The following RBM33 variants were observed in gnomAD, a reference collection of about 807,000 sequenced individuals.
RBM33 encodes RNA-binding protein 33.
In RBM33, 28 loss-of-function variants were observed where a neutral mutation model predicts 132.6. That is an observed-to-expected ratio of 0.21 (90% CI 0.16 to 0.29). The LOEUF (loss-of-function observed/expected upper bound fraction) is 0.29, where lower values mean the gene tolerates loss of function less well. RBM33 is among the 10% of genes least tolerant of loss of function. RBM33 has a pLI of 1.00. For synonymous variants in RBM33, 634 were observed against 593.0 expected, an observed-to-expected ratio of 1.07 and a Z score of -1.01; for missense variants, 1,291 against 1,518.5, an observed-to-expected ratio of 0.85 and a Z score of 2.49.
chr7:155,749,590 C>G (rs575100466), intron 14 of RBM33, among the ~76,000 whole-genome samples: 7 of 152,152 alleles, frequency 4.6e-5, no homozygotes, highest in African/African-American at 1.7e-4. Flanking sequence ...ATGGGGGCTC[C>G]TAGGATAATG....
intron 15 of RBM33, 109 bp from the exon 16 acceptor site, chr7:155,766,358 C>T: frequency 1.6e-6 from 2 of 1,214,852 alleles, no homozygotes; most frequent in African/African-American, 1.5e-5. Flanking sequence ...TCCTGTAGCT[C>T]ATGGTATATT....
chr7:155,738,165 C>A lies in RBM33; in HGVS notation c.1499C>A (p.Thr500Asn). ...CTTAACAGTAGCCATCCTGTTCCTA[C>A]TCAGAGTCCTCTACCATTCACTCAG... Reference protein sequence around the residue: ...TLLNSSHPVPTQSPLPFTQPG... With the variant: ...TLLNSSHPVPNQSPLPFTQPG... Residue 500 changes from threonine to asparagine, a missense_variant, in exon 11 of 18, where the codon ACT (threonine) becomes AAT (asparagine). Transcript: ENST00000401878. 1 of 1,614,028 alleles carries A rather than the reference C, an allele frequency of 6.2e-7. No homozygotes were observed. Among genetic ancestry groups the A allele is most frequent in the Non-Finnish European group, 8.5e-7 (1 of 1,179,888 alleles).
chr7:155,716,679 T>C (rs540455337), intron 8 of RBM33, among the ~76,000 whole-genome samples: 68 of 152,162 alleles, frequency 4.5e-4, no homozygotes, highest in Non-Finnish European at 8.5e-4. Context: ...GTCAGAGATA[T>C]TCTTGTTTTT....
At chr7:155,691,397 T>C (rs1394526415) in intron 5 of RBM33, among the ~76,000 whole-genome samples, 1 of 152,232 alleles carries the variant, frequency 6.6e-6, no homozygotes, top group African/African-American at 2.4e-5. Context: ...TTTTAGCTTC[T>C]TTGCGATGGG....
chr7:155,706,157 C>A (rs1800107238), intron 6 of RBM33, among the ~76,000 whole-genome samples: 1 of 152,152 alleles, frequency 6.6e-6, no homozygotes, highest in African/African-American at 2.4e-5. Flanking sequence ...TGCTGTAGGA[C>A]TGGTAGAACT....
At chr7:155,719,396 C>T (rs1478904250) in intron 9 of RBM33, among the ~76,000 whole-genome samples, 1 of 152,046 alleles carries the variant, frequency 6.6e-6, no homozygotes, top group African/African-American at 2.4e-5. Context: ...AATGTATAAT[C>T]AGGTGATTAT....
intron 14 of RBM33, among the ~76,000 whole-genome samples, chr7:155,761,923 C>G (rs921669134): frequency 6.6e-6 from 1 of 152,168 alleles, no homozygotes; most frequent in African/African-American, 2.4e-5. Context: ...GTTGCAGCCC[C>G]TGAATTTTGA....
chr7:155,722,672 A>G (rs1328116170), intron 9 of RBM33, among the ~76,000 whole-genome samples: 1 of 152,220 alleles, frequency 6.6e-6, no homozygotes, highest in Non-Finnish European at 1.5e-5. Flanking sequence ...TAAAATGTCA[A>G]CTGTTGGAAT....
At chr7:155,698,895 C>CCATT (rs1207396113) in intron 5 of RBM33, among the ~76,000 whole-genome samples, 1 of 152,190 alleles carries the variant, frequency 6.6e-6, no homozygotes, top group Non-Finnish European at 1.5e-5. Context: ...AAGAGTTTAT[C>CCATT]CATTCATTCA....
rs575707140 is a variant in RBM33 at position 155,706,611 on chromosome 7, T to C, written c.740-249T>C. Among the ~76,000 whole-genome samples, 4 of 152,206 alleles carry C rather than the reference T, an allele frequency of 2.6e-5. No homozygotes were observed. In the South Asian group the frequency reaches 8.3e-4, roughly 32 times the overall value. On this transcript the variant is annotated intron_variant, in intron 6 of 17. Coordinates refer to ENST00000401878, the MANE Select transcript of RBM33 (RefSeq NM_053043.3). ...TATCAGTGGTCTCCGATGAAAATAA[T>C]TTAAAATTTACTGTTAACACTTGCA...
chr7:155,772,732 T>C (rs887824731), intron 16 of RBM33, among the ~76,000 whole-genome samples: 2 of 152,230 alleles, frequency 1.3e-5, no homozygotes, highest in Non-Finnish European at 2.9e-5. Flanking sequence ...CCTAGTGGGC[T>C]GCCTCATTGC....
In RBM33 at chr7:155,777,048, CT is replaced by C. The variant is rs1178265693; in HGVS notation, c.*2020del. ...TGATACAATGAAATGAGTTTCATGA[CT>C]TTTTTTTTTTTTAAACACTTTTTGA... On this transcript the variant is annotated 3_prime_UTR_variant, in exon 18 of 18. Coordinates refer to ENST00000401878, the MANE Select transcript of RBM33 (RefSeq NM_053043.3). The C allele has an allele frequency of 1.6e-3, 232 of 145,676 alleles. No homozygotes were observed. The highest frequency in any genetic ancestry group is 5.8e-3 in the East Asian group (29 of 5,002). The allele number at this position is 145,676 out of a possible 1,614,324, so 9.0% of individuals were successfully genotyped here.
intron 1 of RBM33, among the ~76,000 whole-genome samples, chr7:155,658,145 T>C (rs1798542106): frequency 6.6e-6 from 1 of 152,230 alleles, no homozygotes; most frequent in Admixed American, 6.5e-5. Context: ...GTGTTCTGTT[T>C]CAGTGCATAT....
chr7:155,681,019 C>G (rs112517746), intron 5 of RBM33, 111 bp downstream of exon 5: 5 of 793,902 alleles, frequency 6.3e-6, no homozygotes, highest in Non-Finnish European at 9.8e-6. Context: ...GAAATTAGAC[C>G]TTATTATCAC....
chr7:155,696,105 TG>T (rs1489823780), intron 5 of RBM33, among the ~76,000 whole-genome samples: 1 of 152,226 alleles, frequency 6.6e-6, no homozygotes, highest in African/African-American at 2.4e-5. Context: ...TTGTTTCTGT[TG>T]TTTCTGTTGT....
intron 16 of RBM33, among the ~76,000 whole-genome samples, chr7:155,771,480 C>T (rs1802424077): frequency 6.6e-6 from 1 of 152,138 alleles, no homozygotes; most frequent in Admixed American, 6.5e-5. Flanking sequence ...TGACTGAAAA[C>T]CAAGGCATTC....
At chr7:155,681,019 CTTA>C (rs1379185387) in intron 5 of RBM33, 111 bp downstream of exon 5, 4 of 793,786 alleles carry the variant, frequency 5.0e-6, no homozygotes, top group Non-Finnish European at 7.9e-6. Flanking sequence ...GAAATTAGAC[CTTA>C]TTATCACTCT....
rs138985886 is a variant in RBM33, at chr7:155,741,438, G to A, written c.2050-381G>A. Among the ~76,000 whole-genome samples the A allele has an allele frequency of 8.4e-3, 1,284 of 152,314 alleles. 17 individuals are homozygous for A. The highest frequency in any genetic ancestry group is 0.029 in the African/African-American group (1,207 of 41,562). ...ATTTAAGTGACTAGGTAAAATAGTA[G>A]CATGTGAATCCCGTTGATCTCTGGT... On this transcript the variant is annotated intron_variant, in intron 12 of 17. Transcript: ENST00000401878.
chr7:155,674,396 C>T (rs561493055), intron 3 of RBM33, among the ~76,000 whole-genome samples: 1 of 152,126 alleles, frequency 6.6e-6, no homozygotes, highest in South Asian at 2.1e-4. Flanking sequence ...ATTTTTGTAC[C>T]TAAAGTGGCT....
Sources: allele counts gnomAD v4.1 joint callset (sites outside exome capture counted in the v4.1 genomes callset), GRCh38; gene constraint gnomAD v4.1.1; transcripts MANE v1.5; gene names NCBI Gene and HGNC (gene_info 2026-07-23, HGNC 2026-07-21).